Variants in FOXK1 observed in about 807,000 individuals in gnomAD.
The protein encoded by FOXK1 is forkhead box K1.
In FOXK1, 19 loss-of-function variants were observed where a neutral mutation model predicts 51.9. The observed-to-expected ratio is 0.37, with a 90% CI of 0.26 to 0.54. The LOEUF (loss-of-function observed/expected upper bound fraction) is 0.54. Ranked by LOEUF, FOXK1 falls within the 20% of genes least tolerant of loss-of-function variation. FOXK1 has a pLI of 0.87. For synonymous variants in FOXK1, 537 were observed against 482.6 expected (o/e 1.11, Z -1.48); for missense variants, 870 against 1,032.7 (o/e 0.84, Z 2.16).
chr7:4,694,978 C>T (rs1257007836), intron 1 of FOXK1, among the ~76,000 whole-genome samples: 1 of 152,190 alleles, frequency 6.6e-6, no homozygotes, highest in African/African-American at 2.4e-5. Flanking sequence ...GGAACTTAGT[C>T]AATGAAAAAT....
intron 7 of FOXK1, among the ~76,000 whole-genome samples, chr7:4,760,746 G>A (rs1373995444): frequency 6.6e-6 from 1 of 152,156 alleles, no homozygotes; most frequent in Middle Eastern, 3.2e-3. Context: ...AGCTACTCAG[G>A]AGGCTGAGGC....
chr7:4,759,346 G>A lies in FOXK1; in HGVS notation c.1447G>A (p.Val483Met), dbSNP rs770836439. ...CAGCGCCCAGCCAGTGATCATGGCC[G>A]TGCCTCCCCGACCGTCCAGCCTCGT... ...PVSAQPVIMA[V>M]PPRPSSLVAK... The change falls in exon 7 of 9, where the codon GTG (valine) becomes ATG (methionine). Residue 483 changes from valine to methionine, a missense_variant. By Grantham distance (21) the Val-to-Met change is conservative. This residue lies in a region of FOXK1 where 457 missense variants were observed against 510.8 expected (regional missense o/e 0.89). Transcript: ENST00000328914. 1.9e-6 allele frequency: 3 copies of A among 1,601,726 alleles called. No homozygotes were observed. Among genetic ancestry groups the A allele is most frequent in the Non-Finnish European group, 8.5e-7 (1 of 1,178,870 alleles).
In FOXK1 at chr7:4,762,067, A is replaced by G; in HGVS notation, c.1922-117A>G. The G allele has an allele frequency of 1.6e-6, 2 of 1,223,942 alleles. No homozygotes were observed. Among genetic ancestry groups the G allele is most frequent in the Non-Finnish European group, 1.1e-6 (1 of 888,016 alleles). 75.8% of individuals were successfully genotyped at this position (1,223,942 alleles called of 1,614,324 possible). ...AGCAAGGGTAGCCGTCCTGCCTGGC[A>G]GGGGTGCACTGACCTCCGGTTCCGG... On this transcript the variant is annotated intron_variant, in intron 8 of 8. Coordinates refer to ENST00000328914, the MANE Select transcript of FOXK1 (RefSeq NM_001037165.2). This position sits in a 1 kb window ranked among gnomAD's most constrained non-coding sequence, Gnocchi z 5.7.
chr7:4,759,751 G>A, intron 7 of FOXK1, 156 bp downstream of exon 7: 1 of 948,940 alleles, frequency 1.1e-6, no homozygotes, highest in Non-Finnish European at 1.5e-6. Flanking sequence ...ATCAGCATGA[G>A]CTGGGCAGGT....
intron 1 of FOXK1, 139 bp from the exon 2 acceptor site, chr7:4,740,699 C>T: frequency 1.3e-6 from 1 of 750,932 alleles, no homozygotes; most frequent in Non-Finnish European, 2.2e-6. Context: ...CTGATAAAAG[C>T]ATCGAAACTG....
intron 1 of FOXK1, among the ~76,000 whole-genome samples, chr7:4,702,163 A>C (rs1050821076): frequency 6.6e-6 from 1 of 152,170 alleles, no homozygotes; most frequent in African/African-American, 2.4e-5. Flanking sequence ...TCATGTTTTT[A>C]AGCCCTTTTT....
chr7:4,752,556 C>T (rs532946317), intron 2 of FOXK1, among the ~76,000 whole-genome samples: 25 of 152,370 alleles, frequency 1.6e-4, no homozygotes, highest in East Asian at 1.2e-3. Context: ...GGGTGCCCCT[C>T]ATTGGTCCTC....
Position 4,755,251 on chromosome 7 carries a change from G to C in FOXK1, c.918G>C (p.Pro306=). Residue 306 remains proline (P), a synonymous_variant, in exon 4 of 9, where the codon CCG becomes CCC. Coordinates refer to ENST00000328914, the MANE Select transcript of FOXK1 (RefSeq NM_001037165.2). This position sits in a 1 kb window ranked among gnomAD's most constrained non-coding sequence, Gnocchi z 6.6. ...GGDSPKDESK[P]PFSYAQLIVQ... ...TTTCTCCGCAGGATGAGTCAAAGCC[G>C]CCGTTCTCCTACGCGCAGCTGATCG... is the stretch of plus-strand genomic sequence containing the variant. The C allele has an allele frequency of 6.2e-7, 1 of 1,613,908 alleles. No homozygotes were observed. Among genetic ancestry groups the C allele is most frequent in the South Asian group, 1.1e-5 (1 of 91,086 alleles).
intron 7 of FOXK1, chr7:4,759,892 A>G (rs935808651): frequency 6.0e-6 from 3 of 497,404 alleles, no homozygotes; most frequent in Non-Finnish European, 1.1e-5. Flanking sequence ...TTAGCCAGGC[A>G]TGATGATGCG....
intron 1 of FOXK1, among the ~76,000 whole-genome samples, chr7:4,706,006 ATATATACGTATATATACGTG>A (rs1780093168): frequency 1.0e-5 from 1 of 100,228 alleles, no homozygotes; most frequent in South Asian, 2.4e-4. Context: ...ATATATACGT[ATATATACGTATATATACGTG>A]TATATACGTG....
Position 4,761,370 on chromosome 7 carries a change from C to T in FOXK1, c.1921+82C>T. The T allele has an allele frequency of 2.3e-6, 3 of 1,314,660 alleles. No homozygotes were observed. Among genetic ancestry groups the T allele is most frequent in the South Asian group, 1.3e-5 (1 of 77,398 alleles). 81.4% of individuals were successfully genotyped at this position (1,314,660 alleles called of 1,614,324 possible). On this transcript the variant is annotated intron_variant, in intron 8 of 8. Transcript: ENST00000328914. The surrounding 1 kb of genome is among the most constrained non-coding windows in gnomAD (Gnocchi z 6.2). ...TCAGTGCGGCATGAGAATGTTCTCC[C>T]AGTATCTCCCGATCCTCCACTCAGT...
chr7:4,719,889 T>C (rs1780287339), intron 1 of FOXK1, among the ~76,000 whole-genome samples: 1 of 152,344 alleles, frequency 6.6e-6, no homozygotes. Context: ...TTGGTTTTTA[T>C]ACTGAATTTT....
chr7:4,756,794 G>A lies in FOXK1; in HGVS notation c.1051-200G>A, dbSNP rs1176830665. On this transcript the variant is annotated intron_variant, in intron 4 of 8. Coordinates refer to ENST00000328914, the MANE Select transcript of FOXK1 (RefSeq NM_001037165.2). The surrounding 1 kb of genome is among the most constrained non-coding windows in gnomAD (Gnocchi z 4.1). ...AAAAAAAAGGTAAAATGGTAATTAT[G>A]CGGTGTCAAATTTTGATAGGAATGA... Among the ~76,000 whole-genome samples, 1 of 151,764 alleles carries A rather than the reference G, an allele frequency of 6.6e-6. No homozygotes were observed. The highest frequency in any genetic ancestry group is 1.5e-5 in the Non-Finnish European group (1 of 67,956).
At chr7:4,698,371 G>A (rs1466379291) in intron 1 of FOXK1, among the ~76,000 whole-genome samples, 1 of 151,592 alleles carries the variant, frequency 6.6e-6, no homozygotes, top group African/African-American at 2.4e-5. Context: ...CATTGCCTAA[G>A]AATAAGGATT....
intron 1 of FOXK1, among the ~76,000 whole-genome samples, chr7:4,695,129 C>T (rs1264330469): frequency 6.6e-6 from 1 of 152,246 alleles, no homozygotes; most frequent in Non-Finnish European, 1.5e-5. Context: ...TACCTCTGCC[C>T]TTGGGATGGA....
At position 4,769,254 on chromosome 7, in the gene FOXK1, A is replaced by G. The variant is rs1205097163; in HGVS notation, c.*6790A>G. On this transcript the variant is annotated 3_prime_UTR_variant, in exon 9 of 9. Coordinates refer to ENST00000328914, the MANE Select transcript of FOXK1 (RefSeq NM_001037165.2). The surrounding 1 kb of genome is among the most constrained non-coding windows in gnomAD (Gnocchi z 4.1). ...CGTTGAAAAGAAAAATACCGGGGCC[A>G]GGGAGAAGCCGTGAATGTATTTATT... 2 of 152,222 alleles carry G rather than the reference A, an allele frequency of 1.3e-5. No homozygotes were observed. The highest frequency in any genetic ancestry group is 2.9e-5 in the Non-Finnish European group (2 of 68,040). The allele number at this position is 152,222 out of a possible 1,614,324, so 9.4% of individuals were successfully genotyped here.
In FOXK1 at chr7:4,707,904, G is replaced by A. The variant is rs1470120941; in HGVS notation, c.560+25036G>A. ...TCACCATGTTGGCCAGGCTGGTCAC[G>A]AACTCCTGCCCCAAGTGATCCACCC... On this transcript the variant is annotated intron_variant, in intron 1 of 8. Coordinates refer to ENST00000328914, the MANE Select transcript of FOXK1 (RefSeq NM_001037165.2). This position sits in a 1 kb window ranked among gnomAD's most constrained non-coding sequence, Gnocchi z 4.1. 1.3e-5 allele frequency among the ~76,000 whole-genome samples: 2 copies of A among 151,996 alleles called. No homozygotes were observed. Among genetic ancestry groups the A allele is most frequent in the Non-Finnish European group, 2.9e-5 (2 of 68,006 alleles).
At position 4,755,992 on chromosome 7, in the gene FOXK1, C is replaced by T. The variant is rs1423196709; in HGVS notation, c.1050+609C>T. ...CATATACTGTTATTCAAACAATCCA[C>T]ATGTCTGAATTGTGGATGGCATTTT... On this transcript the variant is annotated intron_variant, in intron 4 of 8. Transcript: ENST00000328914. The surrounding 1 kb of genome is among the most constrained non-coding windows in gnomAD (Gnocchi z 6.6). 6.6e-6 allele frequency among the ~76,000 whole-genome samples: 1 copy of T among 152,218 alleles called. No homozygotes were observed. The highest frequency in any genetic ancestry group is 2.4e-5 in the African/African-American group (1 of 41,450).
In FOXK1 at chr7:4,769,740, C is replaced by T. The variant is rs768900945; in HGVS notation, c.*7276C>T. 2.6e-5 allele frequency: 4 copies of T among 152,294 alleles called. No homozygotes were observed. The highest frequency in any genetic ancestry group is 9.6e-5 in the African/African-American group (4 of 41,472). 9.4% of individuals were successfully genotyped at this position (152,294 alleles called of 1,614,324 possible). On this transcript the variant is annotated 3_prime_UTR_variant, in exon 9 of 9. Transcript: ENST00000328914. The surrounding 1 kb of genome is among the most constrained non-coding windows in gnomAD (Gnocchi z 4.1). Reference sequence around the variant, plus strand: ...ATAGGCATGAGCCACCGCGCCTGGCCTCTGTCACTTTTTTTGCTCCTTACC... The same window carrying T: ...ATAGGCATGAGCCACCGCGCCTGGCTTCTGTCACTTTTTTTGCTCCTTACC...
Sources: gnomAD v4.1 joint callset for allele counts (sites outside exome capture counted in the v4.1 genomes callset) on GRCh38, gnomAD v4.1.1 for gene constraint, gnomAD v4.1.1 regional missense constraint, Gnocchi (gnomAD v3.1) non-coding constraint, MANE v1.5 for transcripts, NCBI Gene and HGNC (gene_info 2026-07-23, HGNC 2026-07-21) for gene names.